Variants in MICA observed in about 807,000 individuals in gnomAD.
The protein encoded by MICA is HLA class I antigen.
A neutral mutation model predicts 34.3 loss-of-function variants in MICA; 18 were observed. The observed-to-expected ratio is 0.52, with a 90% CI of 0.36 to 0.78. The LOEUF is 0.78. Ranked by LOEUF, MICA falls within the 30% of genes least tolerant of loss-of-function variation. The probability of loss-of-function intolerance (pLI) is 0.00; values close to 1 mark genes in which losing one functional copy is unlikely to be tolerated. For missense variants in MICA, 333 were observed against 409.4 expected (o/e 0.81, Z 1.61); for synonymous variants, 135 against 156.9 (o/e 0.86, Z 1.04).
chr6:31,401,827 C>T (rs1770446758), upstream of MICA, among the ~76,000 whole-genome samples: 1 of 151,808 alleles, frequency 6.6e-6, no homozygotes, highest in Admixed American at 6.6e-5. Context: ...ATTTAACAAC[C>T]TAGGTTGTGG....
chr6:31,408,900 G>A (rs56365848), intron 1 of MICA, among the ~76,000 whole-genome samples: 7,833 of 151,688 alleles, frequency 0.052, 275 homozygotes, highest in East Asian at 0.084. Flanking sequence ...AACTACTTGG[G>A]AGGCTGAGGC....
rs968672725 is a variant in MICA, at chr6:31,403,697, C to T, written c.65C>T (p.Ala22Val). Reference sequence around the variant, plus strand: ...TTCCCTTTTGCACCTCCGGGAGCTGCTGCTGGTGAGTGGCGTTCCTGGCGG... The same window carrying T: ...TTCCCTTTTGCACCTCCGGGAGCTGTTGCTGGTGAGTGGCGTTCCTGGCGG... ...GIFPFAPPGA[A>V]AEPHSLRYNL... The change falls in exon 1 of 6, where the codon GCT becomes GTT. Residue 22 changes from alanine (A) to valine (V), a missense_variant. Coordinates refer to ENST00000449934, the MANE Select transcript of MICA (RefSeq NM_001177519.3). The surrounding 1 kb of genome is among the most constrained non-coding windows in gnomAD (Gnocchi z 4.7). 2.6e-6 allele frequency: 4 copies of T among 1,531,640 alleles called. No individual in the cohort carries two copies. The highest frequency in any genetic ancestry group is 1.4e-5 in the African/African-American group (1 of 71,004). 94.9% of individuals were successfully genotyped at this position (1,531,640 alleles called of 1,614,324 possible).
At position 31,412,191 on chromosome 6, in the gene MICA, C is replaced by T. The variant is rs1396239649; in HGVS notation, c.858C>T (p.His286=). Residue 286 remains histidine (H), a synonymous_variant, in exon 4 of 6, where the codon CAC becomes CAT. Transcript: ENST00000449934. ...AGAGGTTCACCTGCTACATGGAACA[C>T]AGCGGGAATCACAGCACTCACCCTG... is the stretch of plus-strand genomic sequence containing the variant. ...EEQRFTCYME[H]SGNHSTHPVP... 6.2e-7 allele frequency: 1 copy of T among 1,611,778 alleles called. No individual in the cohort carries two copies. Among genetic ancestry groups the T allele is most frequent in the East Asian group, 2.2e-5 (1 of 44,798 alleles).
chr6:31,410,371 C>T (rs1480328876), intron 1 of MICA, among the ~76,000 whole-genome samples, 172 bp from the exon 2 acceptor site: 2 of 151,854 alleles, frequency 1.3e-5, no homozygotes, highest in Non-Finnish European at 2.9e-5. Flanking sequence ...TCAGCCCCCT[C>T]CTCTATCCTC....
rs1224880799 is a variant in MICA, at chr6:31,411,787, C to A, written c.614-160C>A. ...CACAGTCCCAAGGCCCATCCTCCTG[C>A]CAGCCTGGAAGAACTGGGCCCCAGA... On this transcript the variant is annotated intron_variant, in intron 3 of 5. Coordinates refer to ENST00000449934, the MANE Select transcript of MICA (RefSeq NM_001177519.3). This position sits in a 1 kb window ranked among gnomAD's most constrained non-coding sequence, Gnocchi z 4.3. 6.6e-6 allele frequency among the ~76,000 whole-genome samples: 1 copy of A among 151,884 alleles called. No homozygotes were observed. Among genetic ancestry groups the A allele is most frequent in the Non-Finnish European group, 1.5e-5 (1 of 68,012 alleles).
intron 1 of MICA, among the ~76,000 whole-genome samples, chr6:31,406,590 T>C (rs1240526330): frequency 6.6e-6 from 1 of 151,914 alleles, no homozygotes; most frequent in Non-Finnish European, 1.5e-5. Context: ...TTTACTTTGG[T>C]TACCTGTGCT....
At chr6:31,409,310 T>TGTGTGTGTGTGTGTGTGTGG (rs1770938611) in intron 1 of MICA, among the ~76,000 whole-genome samples, 1 of 71,308 alleles carries the variant, frequency 1.4e-5, no homozygotes, top group Admixed American at 1.6e-4. Flanking sequence ...AACCTTGCTC[T>TGTGTGTGTGTGTGTGTGTGG]GTGTGTGTGT....
chr6:31,413,464 C>G lies in MICA; in HGVS notation c.*29+1004C>G, dbSNP rs763475891. 3.9e-5 allele frequency among the ~76,000 whole-genome samples: 6 copies of G among 151,908 alleles called. 1 individual carries two copies. The highest frequency in any genetic ancestry group is 7.3e-5 in the African/African-American group (3 of 41,278). On this transcript the variant is annotated intron_variant, in intron 5 of 5. Coordinates refer to ENST00000449934, the MANE Select transcript of MICA (RefSeq NM_001177519.3). ...TAAGGGACGGTCAGAATCATTTCCC[C>G]TACAGTCAGGTTGTTTGATGGGGGA...
At chr6:31,403,256 C>G (rs547275429), upstream of MICA, among the ~76,000 whole-genome samples, 55 of 151,884 alleles carry the variant, frequency 3.6e-4, no homozygotes, top group Middle Eastern at 3.4e-3. This position sits in a 1 kb window ranked among gnomAD's most constrained non-coding sequence, Gnocchi z 4.7. Context: ...CTTGGTGAGG[C>G]CCGCGCTCCT....
upstream of MICA, among the ~76,000 whole-genome samples, chr6:31,401,393 G>A (rs1219815248): frequency 6.6e-6 from 1 of 151,716 alleles, no homozygotes; most frequent in Non-Finnish European, 1.5e-5. Flanking sequence ...GGATCATGGG[G>A]GAATAGTTAG....
At chr6:31,412,274 AG>A (rs764521746) in intron 4 of MICA, 49 bp downstream of exon 4, 3 of 1,606,348 alleles carry the variant, frequency 1.9e-6, no homozygotes, top group Non-Finnish European at 2.5e-6. Context: ...TAGGGACAGC[AG>A]GGATGGCTGT....
Position 31,412,025 on chromosome 6 carries a change from A to G in MICA, c.692A>G (p.Tyr231Cys), listed in dbSNP as rs41546915. The G allele has an allele frequency of 1.8e-4, 292 of 1,612,990 alleles. 4 individuals are homozygous for G. In the African/African-American group the frequency reaches 3.3e-3, roughly 18 times the overall value. Residue 231 changes from tyrosine (Y) to cysteine (C), a missense_variant, in exon 4 of 6, where the codon TAT becomes TGT. By Grantham distance (194) the Tyr-to-Cys change is radical. Coordinates refer to ENST00000449934, the MANE Select transcript of MICA (RefSeq NM_001177519.3). ...GTGACATGCAGGGCTTCCAGCTTCT[A>G]TCCCCGGAATATCATACTGACCTGG... ...ITVTCRASSF[Y>C]PRNIILTWRQ...
chr6:31,403,527 T>A, upstream of MICA: 1 of 921,998 alleles, frequency 1.1e-6, no homozygotes, highest in Non-Finnish European at 1.5e-6. This position sits in a 1 kb window ranked among gnomAD's most constrained non-coding sequence, Gnocchi z 4.7. Flanking sequence ...CGGGCCCCAG[T>A]TTCATTGGAT....
intron 1 of MICA, among the ~76,000 whole-genome samples, chr6:31,407,737 T>C (rs541177468): frequency 1.3e-5 from 2 of 152,110 alleles, no homozygotes; most frequent in African/African-American, 4.8e-5. Flanking sequence ...TCAGTTCTAA[T>C]GGTTTTTTGG....
chr6:31,410,628 T>C lies in MICA; in HGVS notation c.156T>C (p.Asp52=), dbSNP rs1186391356. The stretch of plus-strand genomic sequence containing the variant: ...GGTTTCTTGCTGAGGTACATCTGGA[T>C]GGTCAGCCCTTCCTGCGCTATGACA... ...QSGFLAEVHL[D]GQPFLRYDRQ... is the part of the protein sequence containing the mutation. Residue 52 remains aspartate (D), a synonymous_variant, in exon 2 of 6, where the codon GAT becomes GAC. Transcript: ENST00000449934. The C allele has an allele frequency of 6.2e-7, 1 of 1,613,600 alleles. No homozygotes were observed. Among genetic ancestry groups the C allele is most frequent in the African/African-American group, 1.3e-5 (1 of 74,822 alleles).
chr6:31,414,805 G>A (rs1222639314), intron 5 of MICA, among the ~76,000 whole-genome samples: 3 of 151,900 alleles, frequency 2.0e-5, no homozygotes, highest in Non-Finnish European at 2.9e-5. Flanking sequence ...TGGGCACAGG[G>A]CACGGGCTGA....
At position 31,411,482 on chromosome 6, in the gene MICA, G is replaced by C. The variant is rs553689424; in HGVS notation, c.613+123G>C. On this transcript the variant is annotated intron_variant, in intron 3 of 5. Coordinates refer to ENST00000449934, the MANE Select transcript of MICA (RefSeq NM_001177519.3). This position sits in a 1 kb window ranked among gnomAD's most constrained non-coding sequence, Gnocchi z 4.3. Reference sequence around the variant, plus strand: ...TGAAGGCATTTCCTGTTGGCACATCGTGTCCTGATTTTCCTCTATTGTTAG... The same window carrying C: ...TGAAGGCATTTCCTGTTGGCACATCCTGTCCTGATTTTCCTCTATTGTTAG... 3.9e-4 allele frequency: 388 copies of C among 1,006,850 alleles called. 1 individual carries two copies. The highest frequency in any genetic ancestry group is 1.3e-4 in the Non-Finnish European group (90 of 706,390). 62.4% of individuals were successfully genotyped at this position (1,006,850 alleles called of 1,614,324 possible).
At position 31,403,674 on chromosome 6, in the gene MICA, C is replaced by T; in HGVS notation, c.42C>T (p.Phe14=). Residue 14 remains phenylalanine, a synonymous_variant, in exon 1 of 6, where the codon TTC becomes TTT. Coordinates refer to ENST00000449934, the MANE Select transcript of MICA (RefSeq NM_001177519.3). The surrounding 1 kb of genome is among the most constrained non-coding windows in gnomAD (Gnocchi z 4.7). ...GPVFLLLAGI[F]PFAPPGAAAE... ...TCTTTCTGCTTCTGGCTGGCATCTT[C>T]CCTTTTGCACCTCCGGGAGCTGCTG... is the stretch of plus-strand genomic sequence containing the variant. 1 of 1,533,516 alleles carries T rather than the reference C, an allele frequency of 6.5e-7. No homozygotes were observed. 95.0% of individuals were successfully genotyped at this position (1,533,516 alleles called of 1,614,324 possible).
chr6:31,411,974 G>A lies in MICA; in HGVS notation c.641G>A (p.Ser214Asn), dbSNP rs1206237939. The change falls in exon 4 of 6, where the codon AGC becomes AAC. Residue 214 changes from serine (S) to asparagine (N), a missense_variant. Coordinates refer to ENST00000449934, the MANE Select transcript of MICA (RefSeq NM_001177519.3). The surrounding 1 kb of genome is among the most constrained non-coding windows in gnomAD (Gnocchi z 4.3). ...TVPPMVNVTR[S>N]EASEGNITVT... ...CCCCCCATGGTGAATGTCACCCGCAGCGAGGCCTCAGAGGGCAACATCACC... is the reference window on the plus strand; with the variant it reads ...CCCCCCATGGTGAATGTCACCCGCAACGAGGCCTCAGAGGGCAACATCACC... 2 of 1,613,114 alleles carry A rather than the reference G, an allele frequency of 1.2e-6. No homozygotes were observed. Among genetic ancestry groups the A allele is most frequent in the South Asian group, 2.2e-5 (2 of 91,038 alleles).
Sources: allele counts gnomAD v4.1 joint callset (sites outside exome capture counted in the v4.1 genomes callset), GRCh38; gene constraint gnomAD v4.1.1; non-coding constraint Gnocchi (gnomAD v3.1); transcripts MANE v1.5; gene names NCBI Gene and HGNC (gene_info 2026-07-23, HGNC 2026-07-21).